SOD2: variants seen among roughly 807,000 people sequenced by gnomAD.
The protein encoded by SOD2 is superoxide dismutase 2, also known as superoxide dismutase [Mn], mitochondrial.
In SOD2, 11 loss-of-function variants were observed where a neutral mutation model predicts 27.0. The observed-to-expected ratio is 0.41, with a 90% CI of 0.26 to 0.67. SOD2 has a LOEUF of 0.67. Ranked by LOEUF, SOD2 falls within the 30% of genes least tolerant of loss-of-function variation. The pLI is 0.34. For missense variants in SOD2, 250 were observed against 274.5 expected (o/e 0.91, Z 0.63); for synonymous variants, 105 against 103.0 (o/e 1.02, Z -0.12).
intron 1 of SOD2, among the ~76,000 whole-genome samples, chr6:159,739,996 G>GTT (rs201265156): frequency 1.3e-5 from 2 of 150,810 alleles, no homozygotes; most frequent in Non-Finnish European, 3.0e-5. Flanking sequence ...TCAATGCTGG[G>GTT]TTTTTTTTTG....
At chr6:159,730,327 A>G (rs1420771911), upstream of SOD2, among the ~76,000 whole-genome samples, 1 of 152,204 alleles carries the variant, frequency 6.6e-6, no homozygotes, top group Non-Finnish European at 1.5e-5. Flanking sequence ...AAATGATGTT[A>G]TGGTCATTCT....
At chr6:159,693,674 G>C (rs897165334), upstream of SOD2, among the ~76,000 whole-genome samples, 1 of 152,200 alleles carries the variant, frequency 6.6e-6, no homozygotes, top group Non-Finnish European at 1.5e-5. Flanking sequence ...GCGGGGTCCA[G>C]AGGCCTCACT....
intron 1 of SOD2, among the ~76,000 whole-genome samples, chr6:159,739,994 G>A (rs1025560072): frequency 6.6e-6 from 1 of 151,810 alleles, no homozygotes. Flanking sequence ...ACTCAATGCT[G>A]GGTTTTTTTT....
chr6:159,750,776 T>C (rs893711633), intron 1 of SOD2, among the ~76,000 whole-genome samples: 3 of 152,282 alleles, frequency 2.0e-5, no homozygotes, highest in African/African-American at 7.2e-5. Context: ...TAAAATTGGC[T>C]GTAAGCCAGA....
At chr6:159,759,926 G>A (rs910050311) in intron 1 of SOD2, among the ~76,000 whole-genome samples, 1 of 152,200 alleles carries the variant, frequency 6.6e-6, no homozygotes, top group Non-Finnish European at 1.5e-5. Flanking sequence ...AAATGTGCTA[G>A]GCACTGGCCA....
upstream of SOD2, among the ~76,000 whole-genome samples, chr6:159,745,690 T>G (rs749197544): frequency 1.3e-5 from 2 of 152,264 alleles, no homozygotes; most frequent in Non-Finnish European, 1.5e-5. Context: ...GCAAGAGATG[T>G]ATGTGATGGA....
At chr6:159,749,775 C>T (rs897291744), upstream of SOD2, among the ~76,000 whole-genome samples, 1 of 152,152 alleles carries the variant, frequency 6.6e-6, no homozygotes, top group African/African-American at 2.4e-5. Context: ...GTGATCATTT[C>T]TAGCAAATTC....
At chr6:159,732,827 G>C (rs1260089951) in intron 1 of SOD2, among the ~76,000 whole-genome samples, 1 of 151,650 alleles carries the variant, frequency 6.6e-6, no homozygotes, top group Non-Finnish European at 1.5e-5. Flanking sequence ...GCAGGGGGAG[G>C]GGGAGTGTCT....
intron 1 of SOD2, among the ~76,000 whole-genome samples, chr6:159,699,164 C>T (rs1269863200): frequency 6.6e-6 from 1 of 152,202 alleles, no homozygotes; most frequent in African/African-American, 2.4e-5. Context: ...TCTGTCCCTA[C>T]ACAACTTCCC....
At chr6:159,744,787 A>G (rs1205161332) in intron 1 of SOD2, among the ~76,000 whole-genome samples, 1 of 151,910 alleles carries the variant, frequency 6.6e-6, no homozygotes, top group Non-Finnish European at 1.5e-5. Flanking sequence ...TGGTGTAATC[A>G]CACCTCACTT....
chr6:159,695,512 G>C (rs1777407259), upstream of SOD2, among the ~76,000 whole-genome samples: 1 of 152,082 alleles, frequency 6.6e-6, no homozygotes, highest in African/African-American at 2.4e-5. Flanking sequence ...CAGTGAACAG[G>C]CTCCGTTTTC....
At chr6:159,734,473 A>G (rs1032841367) in intron 1 of SOD2, among the ~76,000 whole-genome samples, 4 of 152,154 alleles carry the variant, frequency 2.6e-5, no homozygotes, top group Non-Finnish European at 5.9e-5. Flanking sequence ...AAAATAAACC[A>G]TAAACACTTT....
intron 1 of SOD2, among the ~76,000 whole-genome samples, chr6:159,741,289 G>A (rs530166144): frequency 6.6e-6 from 1 of 152,160 alleles, no homozygotes; most frequent in Non-Finnish European, 1.5e-5. Context: ...CATTTATGCA[G>A]GTTTCTGACA....
At chr6:159,746,514 A>G (rs1037930397), upstream of SOD2, among the ~76,000 whole-genome samples, 3 of 152,154 alleles carry the variant, frequency 2.0e-5, no homozygotes, top group African/African-American at 7.2e-5. Context: ...ATACTAACTC[A>G]TCCATTTGAT....
upstream of SOD2, among the ~76,000 whole-genome samples, chr6:159,728,825 G>A (rs374273668): frequency 6.6e-6 from 1 of 152,184 alleles, no homozygotes; most frequent in Admixed American, 6.5e-5. Context: ...GCTTTTATAT[G>A]TTAAGGTATC....
At chr6:159,701,852 T>C (rs1427798953) in intron 1 of SOD2, among the ~76,000 whole-genome samples, 3 of 152,092 alleles carry the variant, frequency 2.0e-5, no homozygotes, top group African/African-American at 7.2e-5. Context: ...TCAGTGGGGA[T>C]TTTAGGAGAG....
In SOD2 at chr6:159,681,017, C is replaced by T. The variant is rs1485157421; in HGVS notation, c.*1476G>A. On this transcript the variant is annotated 3_prime_UTR_variant, in exon 5 of 5. Coordinates refer to ENST00000538183, the MANE Select transcript of SOD2 (RefSeq NM_000636.4). ...AAACCTATGTACACAGAGTTGCTCA[C>T]CCCAGCATTATCTGTAGTAACAATT... 6.6e-6 allele frequency: 1 copy of T among 150,676 alleles called. No individual in the cohort carries two copies. The highest frequency in any genetic ancestry group is 1.5e-5 in the Non-Finnish European group (1 of 67,818). 9.3% of individuals were successfully genotyped at this position (150,676 alleles called of 1,614,324 possible). A position where few individuals can be genotyped will look rare whatever the true frequency, so the allele number is the denominator to read the frequency against.
exon 1 of SOD2, chr6:159,761,749 G>A: frequency 3.0e-6 from 1 of 329,090 alleles, no homozygotes; most frequent in Non-Finnish European, 6.0e-6. Flanking sequence ...ACATTGGGGT[G>A]TCCAGAAACA....
intron 1 of SOD2, among the ~76,000 whole-genome samples, chr6:159,724,208 T>C (rs1778095841): frequency 6.6e-6 from 1 of 152,012 alleles, no homozygotes; most frequent in Admixed American, 6.6e-5. Context: ...CCCAGGCTGG[T>C]CTCAAACTCC....
Sources: allele counts gnomAD v4.1 joint callset (sites outside exome capture counted in the v4.1 genomes callset), GRCh38; gene constraint gnomAD v4.1.1; transcripts MANE v1.5; gene names NCBI Gene and HGNC (gene_info 2026-07-23, HGNC 2026-07-21).